The following BCO2 variants were observed in gnomAD, a reference collection of about 807,000 sequenced individuals.
The protein encoded by BCO2 is carotenoid-cleaving dioxygenase, mitochondrial.
BCO2 carries 56 observed loss-of-function variants against 65.8 expected under a neutral mutation model. The observed-to-expected ratio is 0.85, with a 90% confidence interval of 0.69 to 1.06. The LOEUF (loss-of-function observed/expected upper bound fraction) is 1.06, where lower values mean the gene tolerates loss of function less well. Ranked by LOEUF, BCO2 falls within the 50% of genes least tolerant of loss-of-function variation. BCO2 has a pLI of 0.00. For synonymous variants in BCO2, 233 were observed against 242.3 expected (o/e 0.96, Z 0.36); for missense variants, 675 against 698.5 (o/e 0.97, Z 0.38).
chr11:112,212,361 C>T (rs540256152), intron 8 of BCO2, among the ~76,000 whole-genome samples: 30 of 152,290 alleles, frequency 2.0e-4, no homozygotes, highest in Middle Eastern at 3.4e-3. Flanking sequence ...ATAGGTCAGG[C>T]GAGGTAGCTC....
chr11:112,182,521 A>G (rs1316277113), intron 2 of BCO2, among the ~76,000 whole-genome samples: 2 of 152,356 alleles, frequency 1.3e-5, no homozygotes, highest in African/African-American at 2.4e-5. Context: ...CTATGCAGCC[A>G]TAAAAAAGGA....
rs1867458179 is a variant in BCO2 at position 112,193,420 on chromosome 11, C to T, written c.294-54C>T. 5 of 1,480,840 alleles carry T rather than the reference C, an allele frequency of 3.4e-6. No homozygotes were observed. The Admixed American group carries it at 9.0e-5, about 27-fold the overall frequency. The allele number at this position is 1,480,840 out of a possible 1,614,324, so 91.7% of individuals were successfully genotyped here. On this transcript the variant is annotated intron_variant, in intron 2 of 11. Transcript: ENST00000357685. Reference sequence around the variant, plus strand: ...AATGAAGATCTATCACTCTGTCCCTCATTTTTATCTCATGTTTTCTTACTG... The same window carrying T: ...AATGAAGATCTATCACTCTGTCCCTTATTTTTATCTCATGTTTTCTTACTG...
intron 5 of BCO2, among the ~76,000 whole-genome samples, chr11:112,196,480 T>A (rs1867577453): frequency 6.6e-6 from 1 of 152,224 alleles, no homozygotes; most frequent in Admixed American, 6.5e-5. Context: ...TTTTTAAAAT[T>A]TGTAAAAATC....
At chr11:112,181,372 G>A in intron 2 of BCO2, 1 of 528,342 alleles carries the variant, frequency 1.9e-6, no homozygotes, top group Non-Finnish European at 3.4e-6. Context: ...TAGTAGAGAC[G>A]GGGTTTCACC....
intron 5 of BCO2, among the ~76,000 whole-genome samples, chr11:112,199,315 T>A (rs1367063466): frequency 6.6e-6 from 1 of 152,216 alleles, no homozygotes; most frequent in Non-Finnish European, 1.5e-5. Flanking sequence ...TGCATAGTAT[T>A]CCATAGTGTA....
At chr11:112,182,538 C>G (rs1297103269) in intron 2 of BCO2, among the ~76,000 whole-genome samples, 1 of 152,168 alleles carries the variant, frequency 6.6e-6, no homozygotes, top group East Asian at 1.9e-4. Context: ...AGGATGAGTT[C>G]ATGTCCTTTG....
Position 112,181,466 on chromosome 11 carries a change from C to T in BCO2, c.293+1984C>T. On this transcript the variant is annotated intron_variant, in intron 2 of 11. Transcript: ENST00000357685. ...AAAGTGCTGGGATTACAGGCGTGAG[C>T]CACCGCGCCCGGCCGAGCTTTCTTA... 8 of 673,624 alleles carry T rather than the reference C, an allele frequency of 1.2e-5. 1 individual carries two copies. Among genetic ancestry groups the T allele is most frequent in the South Asian group, 1.2e-4 (8 of 69,112 alleles). 41.7% of individuals were successfully genotyped at this position (673,624 alleles called of 1,614,324 possible). A position where few individuals can be genotyped will look rare whatever the true frequency, so the allele number is the denominator to read the frequency against.
In BCO2 at chr11:112,193,919, G is replaced by A. The variant is rs931447317; in HGVS notation, c.558G>A (p.Lys186=). 1 of 1,612,862 alleles carries A rather than the reference G, an allele frequency of 6.2e-7. No individual in the cohort carries two copies. Among genetic ancestry groups the A allele is most frequent in the Non-Finnish European group, 8.5e-7 (1 of 1,178,924 alleles). Reference sequence around the variant, plus strand: ...CTAATGTCAACTATGTGCGGTACAAGGGTGATTACTACCTCTGCACTGAGA... The same window carrying A: ...CTAATGTCAACTATGTGCGGTACAAAGGTGATTACTACCTCTGCACTGAGA... ...DNTNVNYVRY[K]GDYYLCTETN... Residue 186 remains lysine (K), a synonymous_variant, in exon 4 of 12, where the codon AAG becomes AAA. Transcript: ENST00000357685.
At chr11:112,185,090 G>A (rs1295773999) in intron 2 of BCO2, among the ~76,000 whole-genome samples, 3 of 152,060 alleles carry the variant, frequency 2.0e-5, no homozygotes, top group African/African-American at 7.2e-5. Flanking sequence ...GAGAAGTATT[G>A]TATTGAGAAA....
At chr11:112,178,146 C>T (rs1057139142) in intron 1 of BCO2, among the ~76,000 whole-genome samples, 3 of 151,850 alleles carry the variant, frequency 2.0e-5, no homozygotes, top group East Asian at 1.9e-4. Flanking sequence ...AACTCCTGAC[C>T]TCAGGTGATC....
intron 8 of BCO2, 92 bp from the exon 9 acceptor site, chr11:112,213,632 G>C: frequency 2.4e-6 from 3 of 1,226,320 alleles, no homozygotes; most frequent in Non-Finnish European, 3.5e-6. Flanking sequence ...TAAATATTTA[G>C]GAATGCCAAT....
intron 10 of BCO2, chr11:112,215,184 A>G (rs575074368): frequency 1.2e-5 from 6 of 512,086 alleles, no homozygotes; most frequent in East Asian, 7.0e-5. Context: ...TTTGGGAGCA[A>G]TTGTGGGGTT....
intron 10 of BCO2, 50 bp downstream of exon 10, chr11:112,214,994 C>T: frequency 6.5e-7 from 1 of 1,550,264 alleles, no homozygotes. Context: ...CTGTTCTTCC[C>T]TTTGAATTAG....
intron 2 of BCO2, chr11:112,179,801 C>G (rs1397943543): frequency 2.9e-6 from 1 of 342,106 alleles, no homozygotes; most frequent in Non-Finnish European, 5.6e-6. Flanking sequence ...CTCCTCATAC[C>G]ACTCTCTCCC....
At chr11:112,187,789 A>G (rs1867245351) in intron 2 of BCO2, among the ~76,000 whole-genome samples, 1 of 151,836 alleles carries the variant, frequency 6.6e-6, no homozygotes, top group South Asian at 2.1e-4. Flanking sequence ...GGGATGCTGT[A>G]GAGCCCAGGA....
At chr11:112,192,975 A>ATT (rs1294777149) in intron 2 of BCO2, among the ~76,000 whole-genome samples, 4 of 16,826 alleles carry the variant, frequency 2.4e-4, no homozygotes, top group Non-Finnish European at 3.7e-4. Flanking sequence ...AATGTAAATT[A>ATT]TTCTTTTTTT....
intron 11 of BCO2, 142 bp from the exon 12 acceptor site, chr11:112,217,619 C>T (rs1285881379): frequency 5.1e-6 from 3 of 590,568 alleles, no homozygotes; most frequent in African/African-American, 3.8e-5. Flanking sequence ...CCTCGGCCTC[C>T]CAAAGTGCTA....
intron 2 of BCO2, among the ~76,000 whole-genome samples, chr11:112,187,836 C>T (rs1246757316): frequency 6.6e-6 from 1 of 151,748 alleles, no homozygotes; most frequent in Non-Finnish European, 1.5e-5. Context: ...CTTGTTCTGT[C>T]ACTGAGCAGC....
Position 112,216,254 on chromosome 11 carries a change from C to G in BCO2, c.1550C>G (p.Pro517Arg), listed in dbSNP as rs1395049921. Residue 517 changes from proline to arginine, a missense_variant, in exon 11 of 12, where the codon CCT becomes CGT. Physicochemically the swap from Pro to Arg is moderately radical, Grantham distance 103. Coordinates refer to ENST00000357685, the MANE Select transcript of BCO2 (RefSeq NM_031938.7). Reference protein sequence around the residue: ...WREDGFYPSEPVFVPAPGTNE... With the variant: ...WREDGFYPSERVFVPAPGTNE... Reference sequence around the variant, plus strand: ...GAAGATGGCTTTTATCCCTCAGAACCTGTTTTTGTTCCAGCACCAGGAACC... The same window carrying G: ...GAAGATGGCTTTTATCCCTCAGAACGTGTTTTTGTTCCAGCACCAGGAACC... 1 of 1,614,160 alleles carries G rather than the reference C, an allele frequency of 6.2e-7. No individual in the cohort carries two copies. The highest frequency in any genetic ancestry group is 2.2e-5 in the East Asian group (1 of 44,874).
Sources: gnomAD v4.1 joint callset for allele counts (sites outside exome capture counted in the v4.1 genomes callset) on GRCh38, gnomAD v4.1.1 for gene constraint, MANE v1.5 for transcripts, NCBI Gene and HGNC (gene_info 2026-07-23, HGNC 2026-07-21) for gene names.